PARP10: variants seen among roughly 807,000 people sequenced by gnomAD.
The protein encoded by PARP10 is poly(ADP-ribose) polymerase family member 10.
PARP10 carries 56 observed loss-of-function variants against 82.4 expected under a neutral mutation model. That is an observed-to-expected ratio of 0.68 (90% CI 0.55 to 0.85). PARP10 has a LOEUF of 0.85. Among genes scored for constraint, PARP10 ranks in the 40% least tolerant of loss-of-function variants. The pLI is 0.00. For synonymous variants in PARP10, 576 were observed against 601.1 expected (o/e 0.96, Z 0.61); for missense variants, 1,227 against 1,379.4 (o/e 0.89, Z 1.75).
rs782534075 is a variant in PARP10 at position 143,977,814 on chromosome 8, C to T, written c.2748G>A (p.Lys916=). ...FCGRNATVYG[K]GVYFARRASL... is the part of the protein sequence containing the mutation. The stretch of plus-strand genomic sequence containing the variant: ...AGGCGCGCCTGGCGAAATACACGCC[C>T]TTCCCGTAGACCGTGGCTGCAGGGC... The change falls in exon 11 of 11, where the codon AAG becomes AAA. Residue 916 remains lysine, a synonymous_variant. Transcript: ENST00000313028. 5 of 1,600,664 alleles carry T rather than the reference C, an allele frequency of 3.1e-6. No individual in the cohort carries two copies. The African/African-American group carries it at 6.7e-5, about 21-fold the overall frequency.
intron 5 of PARP10, 49 bp downstream of exon 5, chr8:143,984,495 C>G: frequency 6.3e-7 from 1 of 1,590,318 alleles, no homozygotes; most frequent in Admixed American, 1.7e-5. Context: ...CTTTGAGTCC[C>G]CAGTAGGAGG....
In PARP10 at chr8:143,977,584, T is replaced by G. The variant is rs1554746501; in HGVS notation, c.2978A>C (p.Asp993Ala). 6.3e-7 allele frequency: 1 copy of G among 1,578,508 alleles called. No individual in the cohort carries two copies. Among genetic ancestry groups the G allele is most frequent in the East Asian group, 2.3e-5 (1 of 42,726 alleles). Reference protein sequence around the residue: ...CQPSIFVIFHDTQALPTHLIT... With the variant: ...CQPSIFVIFHATQALPTHLIT... ...GAGGTGGGTGGGCAGCGCCTGGGTG[T>G]CGTGGAAGATGACGAAGATGCTGGG... Residue 993 changes from aspartate to alanine, a missense_variant, in exon 11 of 11, where the codon GAC (aspartate) becomes GCC (alanine). Transcript: ENST00000313028.
In PARP10 at chr8:143,980,319, CAAAAAAAAAAAAAA is replaced by C. The variant is rs564801582; in HGVS notation, c.2557-2252_2557-2239del. 1.4e-3 allele frequency among the ~76,000 whole-genome samples: 22 copies of C among 16,096 alleles called. 1 individual carries two copies. Among genetic ancestry groups the C allele is most frequent in the Middle Eastern group, 0.14 (2 of 14 alleles). 10.6% of individuals were successfully genotyped at this position (16,096 alleles called of 152,430 possible). On this transcript the variant is annotated intron_variant, in intron 9 of 10. Coordinates refer to ENST00000313028, the MANE Select transcript of PARP10 (RefSeq NM_032789.5). ...TGGGCTACTGAGTGAGATTCCGTCT[CAAAAAAAAAAAAAA>C]AAAAAAAAAAAAAAAAAACCATCTC...
In PARP10 at chr8:143,983,845, T is replaced by A. The variant is rs1190324077; in HGVS notation, c.1778-34A>T. 5 of 1,538,266 alleles carry A rather than the reference T, an allele frequency of 3.3e-6. No homozygotes were observed. The Admixed American group carries it at 8.2e-5, about 25-fold the overall frequency. Reference sequence around the variant, plus strand: ...AGGGAGAGGCCATTGGGTCAGGGGCTGGACCCAGGAGGAGTTGGAATGGAT... The same window carrying A: ...AGGGAGAGGCCATTGGGTCAGGGGCAGGACCCAGGAGGAGTTGGAATGGAT... On this transcript the variant is annotated intron_variant, in intron 7 of 10. Transcript: ENST00000313028.
chr8:143,989,524 T>C (rs1834052908), upstream of PARP10: 1 of 152,198 alleles, frequency 6.6e-6, no homozygotes, highest in Admixed American at 6.5e-5. This position sits in a 1 kb window ranked among gnomAD's most constrained non-coding sequence, Gnocchi z 4.3. Flanking sequence ...TACCTTGATG[T>C]GATTATTATC....
chr8:144,003,387 C>G (rs1554751834), intron 1 of PARP10, among the ~76,000 whole-genome samples: 3 of 149,212 alleles, frequency 2.0e-5, no homozygotes, highest in South Asian at 2.1e-4. Context: ...TGAGATTGCG[C>G]CACTGCACTC....
chr8:143,994,948 A>G (rs934861928), upstream of PARP10, among the ~76,000 whole-genome samples: 1 of 121,012 alleles, frequency 8.3e-6, no homozygotes, highest in Non-Finnish European at 1.7e-5. Flanking sequence ...CGAGAACGTC[A>G]GGGCGGGGGC....
chr8:144,012,458 G>A, intron 1 of PARP10: 1 of 1,484,510 alleles, frequency 6.7e-7, no homozygotes, highest in Non-Finnish European at 9.2e-7. Context: ...TGGGGCCCTG[G>A]GCAGCCTCCA....
intron 1 of PARP10, among the ~76,000 whole-genome samples, chr8:143,997,412 T>G (rs573834555): frequency 6.6e-6 from 1 of 152,050 alleles, no homozygotes; most frequent in African/African-American, 2.4e-5. Context: ...AGGACTCGAG[T>G]ACCAAGCTCA....
intron 1 of PARP10, among the ~76,000 whole-genome samples, chr8:143,999,100 G>A (rs1554751492): frequency 1.3e-5 from 2 of 151,276 alleles, no homozygotes; most frequent in Non-Finnish European, 2.9e-5. Context: ...GGAGTACAGC[G>A]GCACAGTCAT....
upstream of PARP10, chr8:143,992,573 G>A (rs782658517): frequency 3.0e-5 from 48 of 1,614,066 alleles, no homozygotes; most frequent in Non-Finnish European, 3.7e-5. Context: ...CCTGGAGATC[G>A]TGTACGCCTC....
At chr8:144,006,892 C>T (rs1322916302) in intron 1 of PARP10, among the ~76,000 whole-genome samples, 1 of 152,218 alleles carries the variant, frequency 6.6e-6, no homozygotes, top group African/African-American at 2.4e-5. Context: ...GCTGCCAAGT[C>T]CATGGTCATT....
chr8:143,985,168 C>T lies in PARP10; in HGVS notation c.834G>A (p.Leu278=), dbSNP rs112955331. 28 of 1,614,186 alleles carry T rather than the reference C, an allele frequency of 1.7e-5. No individual in the cohort carries two copies. The highest frequency in any genetic ancestry group is 1.2e-4 in the African/African-American group (9 of 75,064). Residue 278 remains leucine (L), a synonymous_variant, in exon 5 of 11, where the codon CTG becomes CTA. Transcript: ENST00000313028. ...QGPRATKHAL[L]RTGGLVTALQ... is the part of the protein sequence containing the mutation. ...GAGCCGTCACCAACCCTCCGGTCCT[C>T]AGGAGAGCATGCTTGGTAGCCCTAG...
intron 9 of PARP10, among the ~76,000 whole-genome samples, chr8:143,978,451 G>T (rs1833769934): frequency 6.6e-6 from 1 of 152,236 alleles, no homozygotes; most frequent in Non-Finnish European, 1.5e-5. Context: ...ACCCAGGTGG[G>T]AGAGAAGGCC....
chr8:143,992,246 C>G, upstream of PARP10: 1 of 1,602,764 alleles, frequency 6.2e-7, no homozygotes, highest in Non-Finnish European at 8.5e-7. Flanking sequence ...CAACTGCAGT[C>G]GGTCCTGACC....
chr8:143,986,165 T>A lies in PARP10; in HGVS notation c.71A>T (p.Asp24Val). 1 of 1,613,782 alleles carries A rather than the reference T, an allele frequency of 6.2e-7. No homozygotes were observed. Among genetic ancestry groups the A allele is most frequent in the Non-Finnish European group, 8.5e-7 (1 of 1,179,930 alleles). The change falls in exon 2 of 11, where the codon GAC becomes GTC. Residue 24 changes from aspartate to valine, a missense_variant. By Grantham distance (152) the Asp-to-Val change is radical. Transcript: ENST00000313028. ...TTCAAAGTAGAGAGTGAGCAGCTCG[T>A]CGGGCACGGCAGGGGGCAGTCCACG... ...EVRGLPPAVP[D>V]ELLTLYFENR...
At chr8:144,007,080 A>G (rs6420181) in intron 1 of PARP10, among the ~76,000 whole-genome samples, 67,488 of 152,092 alleles carry the variant, frequency 0.44, 16,030 homozygotes, top group African/African-American at 0.6. Context: ...CAGCAGAAAG[A>G]AACCAACAAC....
At chr8:144,006,276 T>C (rs1159263201) in intron 1 of PARP10, among the ~76,000 whole-genome samples, 1 of 152,380 alleles carries the variant, frequency 6.6e-6, no homozygotes, top group African/African-American at 2.4e-5. Flanking sequence ...TGCCAGCCAG[T>C]GCCTTCTCTG....
upstream of PARP10, among the ~76,000 whole-genome samples, chr8:143,994,079 C>T (rs575261147): frequency 1.3e-4 from 20 of 152,332 alleles, no homozygotes; most frequent in East Asian, 3.3e-3. Context: ...TCTCACACCC[C>T]GCGGCTCTAG....
Sources: allele counts gnomAD v4.1 joint callset (sites outside exome capture counted in the v4.1 genomes callset), GRCh38; gene constraint gnomAD v4.1.1; non-coding constraint Gnocchi (gnomAD v3.1); transcripts MANE v1.5; gene names NCBI Gene and HGNC (gene_info 2026-07-23, HGNC 2026-07-21).